HOOK1: variants seen among roughly 807,000 people sequenced by gnomAD.
The protein encoded by HOOK1 is protein Hook homolog 1.
HOOK1 carries 60 observed loss-of-function variants against 112.8 expected under a neutral mutation model. That is an observed-to-expected ratio of 0.53 (90% CI 0.43 to 0.66). HOOK1 has a LOEUF of 0.66. HOOK1 is among the 30% of genes least tolerant of loss of function. HOOK1 has a pLI of 0.00. For synonymous variants in HOOK1, 294 were observed against 283.8 expected, an observed-to-expected ratio of 1.04 and a Z score of -0.36; for missense variants, 770 against 856.0, an observed-to-expected ratio of 0.90 and a Z score of 1.25.
chr1:59,862,837 A>T lies in HOOK1; in HGVS notation c.1586A>T (p.Lys529Ile). 6.2e-7 allele frequency: 1 copy of T among 1,612,342 alleles called. No individual in the cohort carries two copies. The highest frequency in any genetic ancestry group is 2.2e-5 in the East Asian group (1 of 44,838). Residue 529 changes from lysine to isoleucine, a missense_variant, in exon 16 of 22, where the codon AAA becomes ATA. By Grantham distance (102) the Lys-to-Ile change is moderately radical. Transcript: ENST00000371208. ...CAGCAGCAGATTGAGGACCTCCAGA[A>T]ATCTTTACAGGAACAAGGTTCCAAG... ...ELQQQIEDLQKSLQEQGSKSE... is the reference protein window; with the variant it reads ...ELQQQIEDLQISLQEQGSKSE...
In HOOK1 at chr1:59,860,272, T is replaced by C. The variant is rs1210130185; in HGVS notation, c.1476T>C (p.Leu492=). 1.2e-6 allele frequency: 2 copies of C among 1,611,240 alleles called. No homozygotes were observed. The highest frequency in any genetic ancestry group is 2.7e-5 in the African/African-American group (2 of 74,962). The change falls in exon 15 of 22, where the codon CTT becomes CTC. Residue 492 remains leucine (L), a synonymous_variant. Transcript: ENST00000371208. The part of the protein sequence containing the change: ...EGSENERIEE[L]QEQLEQKHRK... ...CTGAGAATGAACGTATTGAGGAACT[T>C]CAGGAGCAGCTAGAACAGAAACACC...
At chr1:59,821,190 A>T (rs2098385322) in intron 1 of HOOK1, among the ~76,000 whole-genome samples, 1 of 152,160 alleles carries the variant, frequency 6.6e-6, no homozygotes, top group South Asian at 2.1e-4. Flanking sequence ...TTGCTTTCTA[A>T]ATTTTTTTCT....
chr1:59,844,529 T>G (rs770168308), intron 9 of HOOK1, among the ~76,000 whole-genome samples: 14 of 151,992 alleles, frequency 9.2e-5, no homozygotes, highest in Non-Finnish European at 1.9e-4. Flanking sequence ...GTAGTGTAAG[T>G]ATTCCAATTT....
At chr1:59,840,427 T>A in intron 8 of HOOK1, 36 bp downstream of exon 8, 1 of 1,351,762 alleles carries the variant, frequency 7.4e-7, no homozygotes, top group Non-Finnish European at 1.0e-6. Context: ...AAAAACTTCC[T>A]CTTTAAGTTT....
At chr1:59,853,535 C>A (rs944916728) in intron 12 of HOOK1, among the ~76,000 whole-genome samples, 4 of 151,850 alleles carry the variant, frequency 2.6e-5, no homozygotes, top group Non-Finnish European at 5.9e-5. Context: ...CATTTTTAAT[C>A]GATTCTGCCA....
At chr1:59,863,187 G>A (rs1023870186) in intron 16 of HOOK1, among the ~76,000 whole-genome samples, 45 of 152,104 alleles carry the variant, frequency 3.0e-4, no homozygotes, top group Non-Finnish European at 8.8e-5. Flanking sequence ...TTGATTGAGA[G>A]CATACTACAA....
Position 59,865,250 on chromosome 1 carries a change from G to A in HOOK1, c.1744+5G>A. On this transcript the variant is annotated splice_donor_5th_base_variant and intron_variant, in intron 18 of 21. Coordinates refer to ENST00000371208, the MANE Select transcript of HOOK1 (RefSeq NM_015888.6). Reference sequence around the variant, plus strand: ...AGCCAGATATAAATCAAAATGGTAGGTATCTGTGAAAACTTGGATCAGACA... The same window carrying A: ...AGCCAGATATAAATCAAAATGGTAGATATCTGTGAAAACTTGGATCAGACA... The A allele has an allele frequency of 1.3e-6, 2 of 1,562,470 alleles. No homozygotes were observed. The highest frequency in any genetic ancestry group is 1.8e-6 in the Non-Finnish European group (2 of 1,133,076).
In HOOK1 at chr1:59,875,406, A is replaced by G. The variant is rs1363119982; in HGVS notation, c.*2441A>G. On this transcript the variant is annotated 3_prime_UTR_variant, in exon 22 of 22. Coordinates refer to ENST00000371208, the MANE Select transcript of HOOK1 (RefSeq NM_015888.6). The stretch of plus-strand genomic sequence containing the variant: ...AGACTAATGTAATTTAAAGTTCTGT[A>G]TTATTGTGATTAATCATACAGAAAT... 6 of 152,612 alleles carry G rather than the reference A, an allele frequency of 3.9e-5. No individual in the cohort carries two copies. Among genetic ancestry groups the G allele is most frequent in the African/African-American group, 1.4e-4 (6 of 41,458 alleles). The allele number at this position is 152,612 out of a possible 1,614,324, so 9.5% of individuals were successfully genotyped here. A position where few individuals can be genotyped will look rare whatever the true frequency, so the allele number is the denominator to read the frequency against.
At chr1:59,868,844 GA>G (rs759276788) in intron 20 of HOOK1, among the ~76,000 whole-genome samples, 3 of 152,104 alleles carry the variant, frequency 2.0e-5, no homozygotes, top group Non-Finnish European at 4.4e-5. Flanking sequence ...AACTAAAGTG[GA>G]ATTCTTAGTT....
intron 9 of HOOK1, 75 bp downstream of exon 9, chr1:59,843,673 G>A: frequency 8.8e-7 from 1 of 1,130,616 alleles, no homozygotes; most frequent in Non-Finnish European, 1.3e-6. Context: ...AGTATTAACA[G>A]CTAATTACTA....
intron 19 of HOOK1, among the ~76,000 whole-genome samples, chr1:59,866,301 A>AT (rs1422313035): frequency 3.3e-5 from 5 of 152,158 alleles, no homozygotes; most frequent in African/African-American, 1.2e-4. Flanking sequence ...ATCTTTGCAA[A>AT]TTTTCTAAGA....
chr1:59,839,670 A>G (rs1022220565), intron 7 of HOOK1, among the ~76,000 whole-genome samples: 2 of 152,162 alleles, frequency 1.3e-5, no homozygotes, highest in Admixed American at 6.5e-5. Flanking sequence ...TCCTATTTGA[A>G]TAGGCTTTAT....
At chr1:59,852,600 AC>A (rs2098407786) in intron 12 of HOOK1, among the ~76,000 whole-genome samples, 3 of 150,358 alleles carry the variant, frequency 2.0e-5, no homozygotes, top group Admixed American at 2.0e-4. Flanking sequence ...CAAATAACTA[AC>A]TTGTGGTTTT....
chr1:59,833,315 A>G (rs1324512713), intron 4 of HOOK1, 90 bp from the exon 5 acceptor site: 1 of 955,940 alleles, frequency 1.0e-6, no homozygotes, highest in Non-Finnish European at 1.4e-6. Context: ...TGTTTCGTGA[A>G]TTTATAATTT....
intron 5 of HOOK1, among the ~76,000 whole-genome samples, chr1:59,834,963 A>G (rs1359129112): frequency 6.6e-6 from 1 of 152,080 alleles, no homozygotes; most frequent in Non-Finnish European, 1.5e-5. Flanking sequence ...CATCCTAAAA[A>G]TTTTAATATT....
At chr1:59,826,321 G>A (rs907277183) in intron 2 of HOOK1, among the ~76,000 whole-genome samples, 90 of 151,628 alleles carry the variant, frequency 5.9e-4, no homozygotes, top group African/African-American at 2.1e-3. Flanking sequence ...TGTAGAGGTT[G>A]TAGAGGTTGC....
chr1:59,841,985 G>A (rs1002701760), intron 8 of HOOK1, among the ~76,000 whole-genome samples: 1 of 152,114 alleles, frequency 6.6e-6, no homozygotes, highest in Non-Finnish European at 1.5e-5. Flanking sequence ...GAATGTGCCT[G>A]TCTCGCACCC....
chr1:59,860,564 T>G (rs1017574407), intron 15 of HOOK1, among the ~76,000 whole-genome samples: 1 of 152,100 alleles, frequency 6.6e-6, no homozygotes, highest in Non-Finnish European at 1.5e-5. Context: ...ATTTCAGCAT[T>G]CTTGGTTAAC....
At chr1:59,839,804 C>T (rs940959701) in intron 7 of HOOK1, among the ~76,000 whole-genome samples, 16 of 152,250 alleles carry the variant, frequency 1.1e-4, no homozygotes, top group Non-Finnish European at 1.5e-4. Flanking sequence ...TTTGCCCATT[C>T]AGTATGATAT....
Sources: allele counts gnomAD v4.1 joint callset (sites outside exome capture counted in the v4.1 genomes callset), GRCh38; gene constraint gnomAD v4.1.1; transcripts MANE v1.5; gene names NCBI Gene and HGNC (gene_info 2026-07-23, HGNC 2026-07-21).